Variants in STIMATE observed in about 807,000 individuals in gnomAD.
The protein encoded by STIMATE is STIM activating enhancer, also known as store-operated calcium entry regulator STIMATE.
In STIMATE, 15 loss-of-function variants were observed where a neutral mutation model predicts 36.7. The ratio of observed to expected loss-of-function variants is 0.41; its 90% CI spans 0.27 to 0.63. The LOEUF (loss-of-function observed/expected upper bound fraction) is 0.63, where lower values mean the gene tolerates loss of function less well. Among genes scored for constraint, STIMATE ranks in the 20% least tolerant of loss-of-function variants. The probability of loss-of-function intolerance (pLI) is 0.32; values close to 1 mark genes in which losing one functional copy is unlikely to be tolerated. For synonymous variants in STIMATE, 163 were observed against 162.3 expected, an observed-to-expected ratio of 1.00 and a Z score of -0.03; for missense variants, 305 against 397.3, an observed-to-expected ratio of 0.77 and a Z score of 1.98.
chr3:52,851,194 T>G (rs1700990952), intron 3 of STIMATE, among the ~76,000 whole-genome samples: 1 of 152,226 alleles, frequency 6.6e-6, no homozygotes, highest in Non-Finnish European at 1.5e-5. Flanking sequence ...CCTTTTCCAC[T>G]CACCCTCTCT....
rs930854981 is a variant in STIMATE at position 52,840,489 on chromosome 3, A to C, written c.*5T>G. The C allele has an allele frequency of 1.2e-6, 2 of 1,613,242 alleles. No individual in the cohort carries two copies. The highest frequency in any genetic ancestry group is 1.1e-5 in the South Asian group (1 of 91,024). On this transcript the variant is annotated 3_prime_UTR_variant, in exon 8 of 8. Coordinates refer to ENST00000355083, the MANE Select transcript of STIMATE (RefSeq NM_198563.5). ...CCCTCCCGTCACCCCCAGCATGGGA[A>C]TGTGTCATACGGGTAGCCCAAAGCG...
chr3:52,877,310 G>T (rs1701516403), intron 1 of STIMATE, among the ~76,000 whole-genome samples: 1 of 152,248 alleles, frequency 6.6e-6, no homozygotes, highest in African/African-American at 2.4e-5. Flanking sequence ...GCGGCTCCAG[G>T]CTTGTGCTCT....
At chr3:52,882,250 C>T (rs1023961549) in intron 1 of STIMATE, among the ~76,000 whole-genome samples, 2 of 152,200 alleles carry the variant, frequency 1.3e-5, no homozygotes, top group African/African-American at 4.8e-5. Context: ...AGGGACCCAG[C>T]AGGGAGGAAG....
intron 1 of STIMATE, among the ~76,000 whole-genome samples, chr3:52,871,178 G>A (rs1402230765): frequency 1.3e-5 from 2 of 152,124 alleles, no homozygotes; most frequent in Non-Finnish European, 2.9e-5. Flanking sequence ...GGAATTTCAG[G>A]TACCAAACAA....
rs191195291 is a variant in STIMATE, at chr3:52,879,516, C to A, written c.160+17775G>T. Among the ~76,000 whole-genome samples the A allele has an allele frequency of 5.3e-5, 8 of 152,264 alleles. No individual in the cohort carries two copies. In the East Asian group the frequency reaches 1.5e-3, roughly 29 times the overall value. The stretch of plus-strand genomic sequence containing the variant: ...GACCAGGAGGGAAGAACAAGTGATA[C>A]ACGAGAAGCATGTACACCAGTACAG... On this transcript the variant is annotated intron_variant, in intron 1 of 7. Transcript: ENST00000355083.
At chr3:52,853,425 G>T (rs1701043673) in intron 2 of STIMATE, among the ~76,000 whole-genome samples, 1 of 152,346 alleles carries the variant, frequency 6.6e-6, no homozygotes, top group Middle Eastern at 3.4e-3. Context: ...TGTGCCTTCA[G>T]TATGTCCTCC....
At chr3:52,840,696 T>A in intron 7 of STIMATE, 86 bp from the exon 8 acceptor site, 10 of 1,157,130 alleles carry the variant, frequency 8.6e-6, no homozygotes, top group Non-Finnish European at 1.2e-5. Context: ...CCTTCAAGTC[T>A]CATGTTTTTT....
At chr3:52,843,524 C>T (rs916195409) in intron 6 of STIMATE, among the ~76,000 whole-genome samples, 197 bp downstream of exon 6, 5 of 152,060 alleles carry the variant, frequency 3.3e-5, no homozygotes, top group Non-Finnish European at 7.4e-5. Context: ...CCATCCTGGA[C>T]GGGAGCCCTG....
At chr3:52,849,457 A>C (rs1041376942) in intron 4 of STIMATE, among the ~76,000 whole-genome samples, 1 of 152,210 alleles carries the variant, frequency 6.6e-6, no homozygotes, top group African/African-American at 2.4e-5. Context: ...CTCTACAGGA[A>C]GCTTGGCAGA....
chr3:52,878,054 A>G (rs1701532401), intron 1 of STIMATE, among the ~76,000 whole-genome samples: 1 of 151,260 alleles, frequency 6.6e-6, no homozygotes, highest in Non-Finnish European at 1.5e-5. Flanking sequence ...AGATCGCGCC[A>G]CTGCACTCCA....
At chr3:52,858,898 C>A (rs1017575049) in intron 1 of STIMATE, among the ~76,000 whole-genome samples, 99 of 152,254 alleles carry the variant, frequency 6.5e-4, no homozygotes, top group African/African-American at 2.2e-3. Flanking sequence ...GTGGCTCACA[C>A]CTGTAATCCC....
chr3:52,851,059 T>C (rs895856882), intron 3 of STIMATE, among the ~76,000 whole-genome samples: 1 of 152,154 alleles, frequency 6.6e-6, no homozygotes, highest in Non-Finnish European at 1.5e-5. Flanking sequence ...TTACTCCCCA[T>C]GGGAAAAGGC....
rs1474478803 is a variant in STIMATE at position 52,869,834 on chromosome 3, A to G, written c.161-14390T>C. ...CTCTGGGTTCAAAACCTGGCTTTAG[A>G]GCCGACTGTGGGACCAGGGAGACTT... On this transcript the variant is annotated intron_variant, in intron 1 of 7. Transcript: ENST00000355083. Among the ~76,000 whole-genome samples the G allele has an allele frequency of 2.0e-5, 3 of 152,220 alleles. No homozygotes were observed. The East Asian group carries it at 5.8e-4, about 29-fold the overall frequency.
rs1327891435 is a variant in STIMATE, at chr3:52,840,439, C to T, written c.*55G>A. The T allele has an allele frequency of 1.9e-6, 3 of 1,590,490 alleles. No homozygotes were observed. The African/African-American group carries it at 4.0e-5, about 21-fold the overall frequency. On this transcript the variant is annotated 3_prime_UTR_variant, in exon 8 of 8. Transcript: ENST00000355083. Reference sequence around the variant, plus strand: ...GTAAGGAACGATGCTGCGGGATGACCTCTGCACACCAGCGGCTGGCGGGGC... The same window carrying T: ...GTAAGGAACGATGCTGCGGGATGACTTCTGCACACCAGCGGCTGGCGGGGC...
chr3:52,894,965 A>T (rs1701841980), intron 1 of STIMATE, among the ~76,000 whole-genome samples: 1 of 152,210 alleles, frequency 6.6e-6, no homozygotes, highest in African/African-American at 2.4e-5. Context: ...CCTCACCTTA[A>T]CACACACTAA....
intron 1 of STIMATE, among the ~76,000 whole-genome samples, chr3:52,888,259 C>G (rs777869483): frequency 2.6e-5 from 4 of 152,092 alleles, no homozygotes; most frequent in Admixed American, 6.6e-5. Flanking sequence ...TCAGACACCC[C>G]CAAGGCAAAG....
Position 52,839,822 on chromosome 3 carries a change from AAG to A in STIMATE, c.*670_*671del, listed in dbSNP as rs1463326823. 6.6e-6 allele frequency: 1 copy of A among 152,608 alleles called. No individual in the cohort carries two copies. Among genetic ancestry groups the A allele is most frequent in the African/African-American group, 2.4e-5 (1 of 41,462 alleles). 9.5% of individuals were successfully genotyped at this position (152,608 alleles called of 1,614,324 possible). On this transcript the variant is annotated 3_prime_UTR_variant, in exon 8 of 8. Transcript: ENST00000355083. ...TAAACCCATTTCTTTGGGGACTAAA[AAG>A]AGTTTTTAAATACAATAGTATGAAA...
intron 3 of STIMATE, 83 bp from the exon 4 acceptor site, chr3:52,849,996 GC>G: frequency 6.6e-7 from 1 of 1,513,886 alleles, no homozygotes. Flanking sequence ...CCTGAGGGAA[GC>G]GGATGGACCC....
chr3:52,862,673 A>T (rs1701237533), intron 1 of STIMATE, among the ~76,000 whole-genome samples: 1 of 152,148 alleles, frequency 6.6e-6, no homozygotes, highest in African/African-American at 2.4e-5. Flanking sequence ...TTCCCCTCAA[A>T]ATCTAGTTGG....
Sources: gnomAD v4.1 joint callset for allele counts (sites outside exome capture counted in the v4.1 genomes callset) on GRCh38, gnomAD v4.1.1 for gene constraint, MANE v1.5 for transcripts, NCBI Gene and HGNC (gene_info 2026-07-23, HGNC 2026-07-21) for gene names.